Variants in PIAS1 observed in about 807,000 individuals in gnomAD.
PIAS1 encodes protein inhibitor of activated STAT 1, also known as E3 SUMO-protein ligase PIAS1.
PIAS1 carries 6 observed loss-of-function variants against 71.3 expected under a neutral mutation model. The observed-to-expected ratio is 0.08, with a 90% CI of 0.05 to 0.17. The LOEUF (loss-of-function observed/expected upper bound fraction) is 0.17. Ranked by LOEUF, PIAS1 falls within the 10% of genes least tolerant of loss-of-function variation. The probability of loss-of-function intolerance (pLI) is 1.00; values close to 1 mark genes in which losing one functional copy is unlikely to be tolerated. For synonymous variants in PIAS1, 303 were observed against 292.9 expected (o/e 1.03, Z -0.35); for missense variants, 555 against 793.6 (o/e 0.70, Z 3.61).
Position 68,193,721 on chromosome 15 carries a change from C to T in PIAS1, c.*5886C>T, listed in dbSNP as rs1168600361. The T allele has an allele frequency of 3.2e-6, 1 of 314,552 alleles. No individual in the cohort carries two copies. The highest frequency in any genetic ancestry group is 5.9e-6 in the Non-Finnish European group (1 of 168,210). 19.5% of individuals were successfully genotyped at this position (314,552 alleles called of 1,614,324 possible). ...ATTTGCCCAAAGTCACAGTGGGAAGCAGCAGAGCCAGGACTGGAACCCAGG... is the reference window on the plus strand; with the variant it reads ...ATTTGCCCAAAGTCACAGTGGGAAGTAGCAGAGCCAGGACTGGAACCCAGG... On this transcript the variant is annotated 3_prime_UTR_variant, in exon 14 of 14. Transcript: ENST00000249636.
chr15:68,108,090 C>A (rs1393466269), intron 2 of PIAS1, among the ~76,000 whole-genome samples: 2 of 152,168 alleles, frequency 1.3e-5, no homozygotes, highest in African/African-American at 2.4e-5. Context: ...ATGAACATCA[C>A]CATAATCTTT....
chr15:68,058,776 C>G (rs1176978768), intron 1 of PIAS1, among the ~76,000 whole-genome samples: 5 of 152,052 alleles, frequency 3.3e-5, no homozygotes, highest in Non-Finnish European at 5.9e-5. Flanking sequence ...ACCTGTAATC[C>G]CAACACTCAG....
chr15:68,150,433 T>C (rs980725697), intron 6 of PIAS1, among the ~76,000 whole-genome samples: 1 of 152,206 alleles, frequency 6.6e-6, no homozygotes, highest in African/African-American at 2.4e-5. Context: ...GAAAATAACT[T>C]AATAGATTGT....
intron 1 of PIAS1, chr15:68,055,271 T>G: frequency 3.3e-6 from 3 of 908,690 alleles, no homozygotes; most frequent in Non-Finnish European, 2.6e-6. Flanking sequence ...TGCCTTTTGT[T>G]TGTAGGGACA....
At chr15:68,160,425 G>A (rs2092917300) in intron 7 of PIAS1, among the ~76,000 whole-genome samples, 1 of 152,094 alleles carries the variant, frequency 6.6e-6, no homozygotes, top group Admixed American at 6.5e-5. Context: ...GACCATAGAT[G>A]TATAAATCTA....
intron 2 of PIAS1, among the ~76,000 whole-genome samples, chr15:68,136,714 G>C (rs1230844340): frequency 6.6e-6 from 1 of 152,124 alleles, no homozygotes; most frequent in South Asian, 2.1e-4. Context: ...GCTAAGTTCA[G>C]AATTAGCAGA....
chr15:68,083,354 A>G (rs2092247087), intron 1 of PIAS1, among the ~76,000 whole-genome samples: 1 of 152,150 alleles, frequency 6.6e-6, no homozygotes, highest in African/African-American at 2.4e-5. Flanking sequence ...TTTAAAAAAT[A>G]CTGCATGCTT....
At chr15:68,113,291 A>G (rs2092538100) in intron 2 of PIAS1, among the ~76,000 whole-genome samples, 1 of 152,224 alleles carries the variant, frequency 6.6e-6, no homozygotes, top group African/African-American at 2.4e-5. Context: ...GTCAAGTAGT[A>G]CAATTTTAGA....
At chr15:68,060,527 T>C (rs566042319) in intron 1 of PIAS1, among the ~76,000 whole-genome samples, 208 of 151,832 alleles carry the variant, frequency 1.4e-3, no homozygotes, top group African/African-American at 3.7e-3. Context: ...GCAGGAGAAT[T>C]GCTTGAACCT....
At position 68,175,674 on chromosome 15, in the gene PIAS1, G is replaced by A; in HGVS notation, c.1207G>A (p.Asp403Asn). 2 of 1,591,086 alleles carry A rather than the reference G, an allele frequency of 1.3e-6. No individual in the cohort carries two copies. The highest frequency in any genetic ancestry group is 1.7e-6 in the Non-Finnish European group (2 of 1,163,980). The change falls in exon 10 of 14, where the codon GAT becomes AAT. Residue 403 changes from aspartate to asparagine, a missense_variant. By Grantham distance (23) the Asp-to-Asn change is conservative. Transcript: ENST00000249636. ...AATCCTAAAGTACTGTACAGACTGT[G>A]ATGAAATACAATTTAAGGAGGATGG... is the stretch of plus-strand genomic sequence containing the variant. Reference protein sequence around the residue: ...MEILKYCTDCDEIQFKEDGTW... With the variant: ...MEILKYCTDCNEIQFKEDGTW...
rs946876195 is a variant in PIAS1, at chr15:68,187,227, GCCCCTC to G, written c.1663-313_1663-308del. On this transcript the variant is annotated intron_variant, in intron 13 of 13. Coordinates refer to ENST00000249636, the MANE Select transcript of PIAS1 (RefSeq NM_016166.3). This position sits in a 1 kb window ranked among gnomAD's most constrained non-coding sequence, Gnocchi z 5.3. ...TTACTAGCAAGAGCATGGACTGTCT[GCCCCTC>G]CTGCTGCTTCTGAGCATATGCTTCT... Among the ~76,000 whole-genome samples the G allele has an allele frequency of 6.6e-6, 1 of 152,154 alleles. No individual in the cohort carries two copies. The highest frequency in any genetic ancestry group is 2.4e-5 in the African/African-American group (1 of 41,424).
chr15:68,086,871 A>G lies in PIAS1; in HGVS notation c.469+121A>G. On this transcript the variant is annotated intron_variant, in intron 2 of 13. Transcript: ENST00000249636. The surrounding 1 kb of genome is among the most constrained non-coding windows in gnomAD (Gnocchi z 7.2). Reference sequence around the variant, plus strand: ...TTTCATTTGATAGTAACAGCTGGATAATAATGAAGATCTTTCAAATTTAGA... The same window carrying G: ...TTTCATTTGATAGTAACAGCTGGATGATAATGAAGATCTTTCAAATTTAGA... 1 of 597,354 alleles carries G rather than the reference A, an allele frequency of 1.7e-6. No homozygotes were observed. Among genetic ancestry groups the G allele is most frequent in the East Asian group, 2.8e-5 (1 of 36,216 alleles). 37.0% of individuals were successfully genotyped at this position (597,354 alleles called of 1,614,324 possible). A position where few individuals can be genotyped will look rare whatever the true frequency, so the allele number is the denominator to read the frequency against.
intron 4 of PIAS1, 52 bp from the exon 5 acceptor site, chr15:68,145,764 T>C: frequency 1.0e-6 from 1 of 992,988 alleles, no homozygotes; most frequent in Non-Finnish European, 1.6e-6. Context: ...ACAATAATAC[T>C]AATGAAGTCA....
chr15:68,161,286 GAA>G (rs1293989642), intron 7 of PIAS1, among the ~76,000 whole-genome samples: 4 of 152,194 alleles, frequency 2.6e-5, no homozygotes, highest in African/African-American at 9.7e-5. Context: ...GCATGGTTGA[GAA>G]AAACTGAAAG....
chr15:68,077,921 T>G (rs1465781875), intron 1 of PIAS1, among the ~76,000 whole-genome samples: 1 of 152,240 alleles, frequency 6.6e-6, no homozygotes, highest in Admixed American at 6.5e-5. Flanking sequence ...CTCTTTAGTT[T>G]AGAAGATGCA....
intron 7 of PIAS1, chr15:68,153,916 A>G (rs962262449): frequency 3.1e-6 from 1 of 321,702 alleles, no homozygotes; most frequent in African/African-American, 2.2e-5. Context: ...ATGGAAGAAT[A>G]TTATTCTACA....
At chr15:68,175,825 A>G in intron 10 of PIAS1, 58 bp downstream of exon 10, 1 of 1,213,598 alleles carries the variant, frequency 8.2e-7, no homozygotes, top group East Asian at 2.8e-5. Flanking sequence ...TCTGGTTTTC[A>G]ATATTAAAAT....
chr15:68,058,288 A>G (rs999852929), intron 1 of PIAS1, among the ~76,000 whole-genome samples: 1 of 152,180 alleles, frequency 6.6e-6, no homozygotes, highest in African/African-American at 2.4e-5. Context: ...TGCTTTTTTA[A>G]TGTTTGAATA....
intron 1 of PIAS1, among the ~76,000 whole-genome samples, chr15:68,068,892 CCTT>C (rs1363764510): frequency 1.9e-5 from 2 of 107,520 alleles, no homozygotes; most frequent in Non-Finnish European, 3.5e-5. Flanking sequence ...ATGTTTTTGT[CCTT>C]TTTTTTTTTT....
Sources: allele counts gnomAD v4.1 joint callset (sites outside exome capture counted in the v4.1 genomes callset), GRCh38; gene constraint gnomAD v4.1.1; non-coding constraint Gnocchi (gnomAD v3.1); transcripts MANE v1.5; gene names NCBI Gene and HGNC (gene_info 2026-07-23, HGNC 2026-07-21).